The following ACOXL variants were observed in gnomAD, a reference collection of about 807,000 sequenced individuals.
The protein encoded by ACOXL is acyl-CoA oxidase like.
A neutral mutation model predicts 71.9 loss-of-function variants in ACOXL; 70 were observed. That is an observed-to-expected ratio of 0.97 (90% confidence interval 0.80 to 1.19). ACOXL has a LOEUF of 1.19. Among genes scored for constraint, ACOXL ranks in the 50% most tolerant of loss-of-function variants. ACOXL has a pLI of 0.00. For synonymous variants in ACOXL, 253 were observed against 281.6 expected (o/e 0.90, Z 1.02); for missense variants, 703 against 736.3 (o/e 0.95, Z 0.52).
intron 15 of ACOXL, among the ~76,000 whole-genome samples, chr2:111,047,007 C>T (rs1322400230): frequency 2.0e-5 from 3 of 152,198 alleles, no homozygotes; most frequent in African/African-American, 7.2e-5. Flanking sequence ...ATCAAAGTGG[C>T]AGCACTACTG....
intron 15 of ACOXL, among the ~76,000 whole-genome samples, chr2:111,038,535 A>G (rs539159872): frequency 1.8e-4 from 27 of 152,354 alleles, no homozygotes; most frequent in Non-Finnish European, 3.8e-4. Flanking sequence ...GTTTCAAAAT[A>G]TGGTTACATT....
intron 16 of ACOXL, among the ~76,000 whole-genome samples, chr2:111,074,235 A>G (rs1348601408): frequency 1.3e-5 from 2 of 151,004 alleles, no homozygotes; most frequent in Admixed American, 1.3e-4. Flanking sequence ...TTCCTTTCCA[A>G]TTTCCATGGC....
rs774610949 is a variant in ACOXL at position 110,794,108 on chromosome 2, C to T, written c.279C>T (p.Thr93=). 33 of 1,614,130 alleles carry T rather than the reference C, an allele frequency of 2.0e-5. No homozygotes were observed. Among genetic ancestry groups the T allele is most frequent in the African/African-American group, 2.7e-5 (2 of 75,032 alleles). Residue 93 remains threonine, a synonymous_variant, in exon 5 of 18, where the codon ACC becomes ACT. Transcript: ENST00000439055. ...EQKYTGMFAM[T]ERGHGSNARG... is the part of the protein sequence containing the mutation. ...AATACACTGGGATGTTTGCAATGAC[C>T]GAGAGGGGCCATGGGAGCAACGCGA...
chr2:110,873,761 T>C (rs1332533151), intron 10 of ACOXL, among the ~76,000 whole-genome samples: 1 of 151,872 alleles, frequency 6.6e-6, no homozygotes, highest in Admixed American at 6.5e-5. Flanking sequence ...CCTCCCAGAG[T>C]GTATCTGTTC....
chr2:110,918,619 C>T (rs1204584699), intron 11 of ACOXL, among the ~76,000 whole-genome samples: 2 of 152,062 alleles, frequency 1.3e-5, no homozygotes, highest in African/African-American at 2.4e-5. Flanking sequence ...AACAGGCAAC[C>T]TATATAATGA....
chr2:110,955,429 CCTCT>C (rs71383893), intron 12 of ACOXL, among the ~76,000 whole-genome samples: 50,105 of 140,506 alleles, frequency 0.36, 8,591 homozygotes, highest in East Asian at 0.53. Context: ...AGTCCACCTC[CCTCT>C]CTCTCTCTCT....
At chr2:111,101,047 T>C (rs1477070072) in intron 17 of ACOXL, 2 of 152,660 alleles carry the variant, frequency 1.3e-5, no homozygotes, top group African/African-American at 4.8e-5. Context: ...ACATTGCCAA[T>C]GGCATCTTGC....
intron 2 of ACOXL, among the ~76,000 whole-genome samples, 176 bp downstream of exon 2, chr2:110,768,640 C>A (rs1434667215): frequency 1.3e-5 from 2 of 151,744 alleles, no homozygotes; most frequent in African/African-American, 4.8e-5. Context: ...CAGAGTATTT[C>A]CTCACCCCAG....
At chr2:111,006,448 T>C (rs2063878371) in intron 14 of ACOXL, among the ~76,000 whole-genome samples, 1 of 152,172 alleles carries the variant, frequency 6.6e-6, no homozygotes. Context: ...CTGAGGCCAA[T>C]TGTAACCAAC....
chr2:111,048,932 C>A (rs1032851691), intron 15 of ACOXL, among the ~76,000 whole-genome samples: 5 of 151,970 alleles, frequency 3.3e-5, no homozygotes, highest in African/African-American at 1.2e-4. Flanking sequence ...ACAAGATGAC[C>A]CAAAAGGAAG....
At chr2:110,883,422 T>G (rs767229169) in intron 10 of ACOXL, among the ~76,000 whole-genome samples, 1 of 139,830 alleles carries the variant, frequency 7.2e-6, no homozygotes, top group African/African-American at 2.5e-5. Context: ...CTTTCATCAC[T>G]CTTAATAATC....
intron 9 of ACOXL, among the ~76,000 whole-genome samples, chr2:110,825,462 C>T (rs528312277): frequency 6.6e-6 from 1 of 152,116 alleles, no homozygotes; most frequent in South Asian, 2.1e-4. Context: ...CTGACTTTAT[C>T]ATTTTTATTC....
chr2:110,857,664 T>C (rs945548429), intron 10 of ACOXL, among the ~76,000 whole-genome samples: 13 of 152,234 alleles, frequency 8.5e-5, no homozygotes, highest in Non-Finnish European at 1.9e-4. Context: ...TATCCTCCCT[T>C]TTATCTCTGG....
intron 10 of ACOXL, among the ~76,000 whole-genome samples, chr2:110,883,653 C>T (rs1696938890): frequency 6.6e-6 from 1 of 152,186 alleles, no homozygotes. Context: ...GCCATACCAG[C>T]CTTCTTAACA....
chr2:110,822,199 ATG>A (rs140848385), intron 9 of ACOXL, among the ~76,000 whole-genome samples: 3,554 of 152,230 alleles, frequency 0.023, 148 homozygotes, highest in African/African-American at 0.083. Flanking sequence ...AAGGAAATAT[ATG>A]TGTGTAAAGC....
chr2:110,914,769 C>T (rs184007705), intron 11 of ACOXL, among the ~76,000 whole-genome samples: 9 of 152,208 alleles, frequency 5.9e-5, no homozygotes, highest in Admixed American at 4.6e-4. Context: ...GGTGAAAATG[C>T]GTTCAGTATT....
intron 10 of ACOXL, among the ~76,000 whole-genome samples, chr2:110,847,888 T>G (rs894451887): frequency 2.0e-4 from 31 of 152,244 alleles, no homozygotes; most frequent in Non-Finnish European, 1.5e-5. Flanking sequence ...ATTCTGAGAC[T>G]GTGCTCGTGT....
chr2:110,798,550 C>A, intron 5 of ACOXL, 60 bp from the exon 6 acceptor site: 1 of 1,388,174 alleles, frequency 7.2e-7, no homozygotes, highest in Non-Finnish European at 1.0e-6. Context: ...TTGCTTTGAG[C>A]CAGGGAGTTG....
At chr2:111,115,932 T>C (rs936987573) in intron 17 of ACOXL, among the ~76,000 whole-genome samples, 65 of 152,218 alleles carry the variant, frequency 4.3e-4, no homozygotes, top group Non-Finnish European at 9.3e-4. Context: ...ATCTGCCTCA[T>C]TTAATTCCTA....
Sources: allele counts gnomAD v4.1 joint callset (sites outside exome capture counted in the v4.1 genomes callset), GRCh38; gene constraint gnomAD v4.1.1; transcripts MANE v1.5; gene names NCBI Gene and HGNC (gene_info 2026-07-23, HGNC 2026-07-21).